QTGAL: variants seen among roughly 807,000 people sequenced by gnomAD.
QTGAL encodes queuosine-tRNA galactosyltransferase.
At chr17:82,985,003 G>A in the QTGAL span, among the ~76,000 whole-genome samples, 29 of 152,302 alleles carry the variant, frequency 1.9e-4, no homozygotes, top group African/African-American at 6.5e-4. Flanking sequence ...GCCGGGTGGC[G>A]GTTCTGCCCA....
chr17:83,023,984 C>T, the QTGAL span, among the ~76,000 whole-genome samples: 1 of 152,252 alleles, frequency 6.6e-6, no homozygotes, highest in African/African-American at 2.4e-5. Flanking sequence ...CTGGTTCCTT[C>T]TACCTCGCCA....
chr17:83,046,963 A>G, the QTGAL span, among the ~76,000 whole-genome samples: 1 of 152,272 alleles, frequency 6.6e-6, no homozygotes, highest in Non-Finnish European at 1.5e-5. Flanking sequence ...GAAGCCGGTT[A>G]CAAAAGAGCA....
At chr17:82,999,589 A>G in the QTGAL span, among the ~76,000 whole-genome samples, 1,850 of 152,346 alleles carry the variant, frequency 0.012, 43 homozygotes, top group African/African-American at 0.042. Context: ...TATATGTACT[A>G]TATGCTGTAT....
At chr17:82,963,031 C>A in the QTGAL span, among the ~76,000 whole-genome samples, 4 of 152,228 alleles carry the variant, frequency 2.6e-5, no homozygotes, top group Non-Finnish European at 4.4e-5. Flanking sequence ...GGACCCCTGG[C>A]GGGGCGCAGG....
the QTGAL span, among the ~76,000 whole-genome samples, chr17:82,996,047 A>G: frequency 2.0e-5 from 3 of 152,364 alleles, no homozygotes; most frequent in East Asian, 5.8e-4. Context: ...GGAGTGAAAG[A>G]TCTCTATGAT....
the QTGAL span, among the ~76,000 whole-genome samples, chr17:83,049,412 G>GT: frequency 0.1 from 13,676 of 136,762 alleles, 715 homozygotes; most frequent in East Asian, 0.14. Context: ...TAACTGGTTG[G>GT]TTTTTTTTTT....
the QTGAL span, chr17:82,948,301 C>T: frequency 6.6e-6 from 1 of 152,278 alleles, no homozygotes; most frequent in South Asian, 2.1e-4. Flanking sequence ...GCTGGGCCCT[C>T]TGGCTCTGGG....
chr17:82,974,383 G>A, the QTGAL span, among the ~76,000 whole-genome samples: 6 of 152,222 alleles, frequency 3.9e-5, no homozygotes, highest in Admixed American at 1.3e-4. Flanking sequence ...CAGAGGCCCA[G>A]GGCCCAGAGG....
chr17:82,996,138 GAAC>G, the QTGAL span, among the ~76,000 whole-genome samples: 1 of 152,212 alleles, frequency 6.6e-6, no homozygotes, highest in Non-Finnish European at 1.5e-5. Context: ...CGGATTCGAA[GAAC>G]GACTATTGTT....
the QTGAL span, among the ~76,000 whole-genome samples, chr17:83,009,340 C>G: frequency 3.3e-5 from 5 of 152,232 alleles, no homozygotes; most frequent in South Asian, 1.0e-3. Flanking sequence ...AGGAGAATCA[C>G]TTGAACCTGG....
the QTGAL span, among the ~76,000 whole-genome samples, chr17:82,995,523 C>T: frequency 6.6e-6 from 1 of 152,024 alleles, no homozygotes; most frequent in Non-Finnish European, 1.5e-5. Flanking sequence ...GCTGGGATTA[C>T]AGGCATGTGC....
chr17:83,000,025 C>T, the QTGAL span, among the ~76,000 whole-genome samples: 31 of 152,214 alleles, frequency 2.0e-4, no homozygotes, highest in East Asian at 2.5e-3. Flanking sequence ...TGCAGTGGCG[C>T]GATCTCAGCT....
the QTGAL span, among the ~76,000 whole-genome samples, chr17:83,045,718 C>T: frequency 6.6e-5 from 10 of 152,142 alleles, no homozygotes; most frequent in Non-Finnish European, 1.2e-4. Flanking sequence ...ATATAAGGAG[C>T]TCTTACAATT....
the QTGAL span, among the ~76,000 whole-genome samples, chr17:83,045,240 T>C: frequency 3.9e-5 from 6 of 152,324 alleles, no homozygotes; most frequent in East Asian, 1.2e-3. Context: ...GACAGACATA[T>C]AGACCAACGG....
chr17:82,977,857 C>CT, the QTGAL span, among the ~76,000 whole-genome samples: 2 of 152,166 alleles, frequency 1.3e-5, no homozygotes, highest in African/African-American at 4.8e-5. Flanking sequence ...GAAACGTACG[C>CT]TCTAGTACTT....
the QTGAL span, among the ~76,000 whole-genome samples, chr17:82,970,568 G>GCACCCAGCGTGGCCGCGACCTCCC: frequency 4.3e-4 from 16 of 37,502 alleles, 2 homozygotes; most frequent in East Asian, 4.7e-3. Context: ...CGCGACCTCC[G>GCACCCAGCGTGGCCGCGACCTCCC]CACCCGGCGT....
At chr17:83,041,580 T>C in the QTGAL span, among the ~76,000 whole-genome samples, 2,555 of 152,308 alleles carry the variant, frequency 0.017, 203 homozygotes, top group Admixed American at 0.14. Flanking sequence ...CCACAGGCAA[T>C]GGGGTCACAC....
At chr17:83,034,157 T>C in the QTGAL span, among the ~76,000 whole-genome samples, 46,006 of 151,366 alleles carry the variant, frequency 0.3, 7,625 homozygotes, top group African/African-American at 0.44. Context: ...CCGGGCTGGT[T>C]TCAAACTCCT....
chr17:82,967,261 T>G, the QTGAL span, among the ~76,000 whole-genome samples: 3 of 152,172 alleles, frequency 2.0e-5, no homozygotes, highest in Non-Finnish European at 4.4e-5. Context: ...TGAAGTGATG[T>G]TTTCCTATAA....
Sources: gnomAD v4.1 joint callset for allele counts (sites outside exome capture counted in the v4.1 genomes callset) on GRCh38, gnomAD v4.1.1 for gene constraint, MANE v1.5 for transcripts, NCBI Gene and HGNC (gene_info 2026-07-23, HGNC 2026-07-21) for gene names.